The following MBOAT2 variants were observed in gnomAD, a reference collection of about 807,000 sequenced individuals.
MBOAT2 encodes membrane-bound glycerophospholipid O-acyltransferase 2.
MBOAT2 carries 28 observed loss-of-function variants against 63.4 expected under a neutral mutation model. The ratio of observed to expected loss-of-function variants is 0.44; its 90% CI spans 0.33 to 0.61. The LOEUF (loss-of-function observed/expected upper bound fraction) is 0.61, where lower values mean the gene tolerates loss of function less well. Among genes scored for constraint, MBOAT2 ranks in the 20% least tolerant of loss-of-function variants. MBOAT2 has a pLI of 0.03. For missense variants in MBOAT2, 470 were observed against 605.8 expected (o/e 0.78, Z 2.35); for synonymous variants, 211 against 215.6 (o/e 0.98, Z 0.19).
chr2:8,960,034 C>T (rs926511060), intron 1 of MBOAT2, among the ~76,000 whole-genome samples: 3 of 152,166 alleles, frequency 2.0e-5, no homozygotes, highest in Non-Finnish European at 4.4e-5. Flanking sequence ...AACAGTAGAA[C>T]GTTGTTGTAC....
At chr2:9,000,353 C>T (rs924461982) in intron 1 of MBOAT2, among the ~76,000 whole-genome samples, 3 of 152,128 alleles carry the variant, frequency 2.0e-5, no homozygotes, top group African/African-American at 4.8e-5. Flanking sequence ...TTTTATTTTG[C>T]TCAACTTTAA....
intron 1 of MBOAT2, among the ~76,000 whole-genome samples, chr2:8,999,581 T>C (rs1558700431): frequency 2.6e-5 from 4 of 152,358 alleles, no homozygotes; most frequent in African/African-American, 9.6e-5. Context: ...TCAGCAACTA[T>C]TAATAATAAA....
chr2:8,927,524 T>C (rs529914453), intron 3 of MBOAT2, among the ~76,000 whole-genome samples: 2 of 152,224 alleles, frequency 1.3e-5, no homozygotes, highest in African/African-American at 2.4e-5. Context: ...CTCCGTCGAG[T>C]TGCGTTTCTC....
intron 1 of MBOAT2, among the ~76,000 whole-genome samples, chr2:8,995,782 G>A (rs894001272): frequency 7.2e-5 from 11 of 151,970 alleles, no homozygotes; most frequent in African/African-American, 1.2e-4. Context: ...TAGTAGAGAC[G>A]GGGTTTCACC....
chr2:8,889,845 T>G (rs552533718), intron 4 of MBOAT2, among the ~76,000 whole-genome samples: 1 of 152,334 alleles, frequency 6.6e-6, no homozygotes, highest in East Asian at 1.9e-4. Flanking sequence ...GTGCTCTGAG[T>G]GTCCTTCTTG....
intron 11 of MBOAT2, 70 bp from the exon 12 acceptor site, chr2:8,860,834 TATC>T (rs1208819708): frequency 3.3e-6 from 4 of 1,217,818 alleles, no homozygotes; most frequent in Non-Finnish European, 4.6e-6. Context: ...ACACTGGTGA[TATC>T]AACTGTTGGA....
chr2:8,993,450 AG>A (rs1264124270), intron 1 of MBOAT2, among the ~76,000 whole-genome samples: 1 of 152,228 alleles, frequency 6.6e-6, no homozygotes, highest in African/African-American at 2.4e-5. Context: ...GAAGCTGATT[AG>A]GGGAGCTCAG....
chr2:8,909,245 A>C (rs974194008), intron 3 of MBOAT2, among the ~76,000 whole-genome samples: 17 of 152,344 alleles, frequency 1.1e-4, no homozygotes, highest in Admixed American at 9.8e-4. Context: ...TTAAAAACAT[A>C]GCATGGGAAA....
At chr2:8,943,831 T>C (rs1366214746) in intron 2 of MBOAT2, among the ~76,000 whole-genome samples, 1 of 152,246 alleles carries the variant, frequency 6.6e-6, no homozygotes, top group Admixed American at 6.5e-5. Flanking sequence ...TTTAATTTGC[T>C]GTAACGTATC....
intron 7 of MBOAT2, among the ~76,000 whole-genome samples, chr2:8,876,563 A>G (rs958608185): frequency 9.9e-5 from 15 of 152,218 alleles, no homozygotes; most frequent in African/African-American, 3.6e-4. Context: ...GTAGGCTTTT[A>G]AAGAGAAGAA....
At chr2:8,951,088 T>C (rs1207510346) in intron 2 of MBOAT2, among the ~76,000 whole-genome samples, 1 of 152,144 alleles carries the variant, frequency 6.6e-6, no homozygotes, top group Non-Finnish European at 1.5e-5. Context: ...TAGTTTTCTT[T>C]CTTTGTTGTG....
intron 4 of MBOAT2, among the ~76,000 whole-genome samples, chr2:8,898,080 T>C (rs768526911): frequency 6.6e-6 from 1 of 152,236 alleles, no homozygotes; most frequent in Non-Finnish European, 1.5e-5. Context: ...TTCCTTACTT[T>C]GGTATGCCAC....
At chr2:8,859,953 G>A (rs979626825) in intron 12 of MBOAT2, among the ~76,000 whole-genome samples, 20 of 152,190 alleles carry the variant, frequency 1.3e-4, no homozygotes, top group Admixed American at 7.8e-4. Flanking sequence ...GGGAGGCCAA[G>A]GCGGGTGGAT....
chr2:8,990,346 T>C (rs1296490815), intron 1 of MBOAT2, among the ~76,000 whole-genome samples: 4 of 152,216 alleles, frequency 2.6e-5, no homozygotes, highest in Non-Finnish European at 4.4e-5. Context: ...AATATTTTTA[T>C]ATTATTTTCT....
chr2:8,876,087 T>C (rs1298791433), intron 7 of MBOAT2, among the ~76,000 whole-genome samples: 2 of 152,232 alleles, frequency 1.3e-5, no homozygotes, highest in East Asian at 3.8e-4. Context: ...CTGATTGGCC[T>C]ATTCTTTTTC....
At chr2:8,883,264 A>T (rs950117594) in intron 5 of MBOAT2, among the ~76,000 whole-genome samples, 1 of 152,170 alleles carries the variant, frequency 6.6e-6, no homozygotes, top group African/African-American at 2.4e-5. Context: ...AGTGAAATAA[A>T]TAGACAAAAC....
chr2:8,888,584 A>G (rs550438447), intron 4 of MBOAT2, among the ~76,000 whole-genome samples: 204 of 152,342 alleles, frequency 1.3e-3, no homozygotes, highest in African/African-American at 4.2e-3. Flanking sequence ...GGACTTTAAA[A>G]TCATAAGAAA....
At chr2:8,980,382 G>A (rs1671115102) in intron 1 of MBOAT2, among the ~76,000 whole-genome samples, 1 of 152,070 alleles carries the variant, frequency 6.6e-6, no homozygotes, top group South Asian at 2.1e-4. Flanking sequence ...CCCTGACCAA[G>A]TAACCTCTGG....
At chr2:8,909,927 G>T (rs546189558) in intron 3 of MBOAT2, among the ~76,000 whole-genome samples, 1 of 152,296 alleles carries the variant, frequency 6.6e-6, no homozygotes, top group South Asian at 2.1e-4. Context: ...CCTGCTCCCC[G>T]TCAAGAGGAG....
Sources: allele counts gnomAD v4.1 joint callset (sites outside exome capture counted in the v4.1 genomes callset), GRCh38; gene constraint gnomAD v4.1.1; transcripts MANE v1.5; gene names NCBI Gene and HGNC (gene_info 2026-07-23, HGNC 2026-07-21).